GOLM1: variants seen among roughly 807,000 people sequenced by gnomAD.
GOLM1 encodes golgi membrane protein 1.
A neutral mutation model predicts 50.5 loss-of-function variants in GOLM1; 31 were observed. The observed-to-expected ratio is 0.61, with a 90% confidence interval of 0.46 to 0.83. The LOEUF (loss-of-function observed/expected upper bound fraction) is 0.83, where lower values mean the gene tolerates loss of function less well. GOLM1 is among the 40% of genes least tolerant of loss of function. The pLI, the probability that GOLM1 is intolerant of heterozygous loss-of-function variation, is 0.00. For missense variants in GOLM1, 491 were observed against 501.3 expected (o/e 0.98, Z 0.20); for synonymous variants, 178 against 192.8 (o/e 0.92, Z 0.64).
intron 5 of GOLM1, among the ~76,000 whole-genome samples, chr9:86,044,302 T>TG (rs1197442024): frequency 6.6e-6 from 1 of 152,276 alleles, no homozygotes; most frequent in Admixed American, 6.5e-5. Flanking sequence ...ATTGACTGGC[T>TG]GCTCATGTCC....
intron 3 of GOLM1, among the ~76,000 whole-genome samples, chr9:86,064,781 G>A (rs943964019): frequency 1.2e-4 from 19 of 152,208 alleles, no homozygotes; most frequent in African/African-American, 4.6e-4. Context: ...GGGGGACAGC[G>A]CTGCTGACTC....
At chr9:86,048,910 T>C (rs1031044028) in intron 4 of GOLM1, among the ~76,000 whole-genome samples, 2 of 152,238 alleles carry the variant, frequency 1.3e-5, no homozygotes, top group African/African-American at 4.8e-5. Flanking sequence ...TTGGCTTCTG[T>C]TGCCATTGCT....
chr9:86,082,720 G>C (rs762271206), intron 1 of GOLM1, among the ~76,000 whole-genome samples: 1 of 152,208 alleles, frequency 6.6e-6, no homozygotes, highest in Non-Finnish European at 1.5e-5. Flanking sequence ...GAGTACAGGC[G>C]TGAGCCATCA....
At chr9:86,088,186 G>A (rs1015066782) in intron 1 of GOLM1, among the ~76,000 whole-genome samples, 2 of 151,822 alleles carry the variant, frequency 1.3e-5, no homozygotes, top group East Asian at 1.9e-4. Context: ...ATGTGTCCAG[G>A]AATTTATCCA....
intron 4 of GOLM1, among the ~76,000 whole-genome samples, chr9:86,050,369 T>C (rs1833704524): frequency 6.6e-6 from 1 of 152,342 alleles, no homozygotes. Flanking sequence ...ATCAGGATGA[T>C]GCTGGCCTCA....
intron 3 of GOLM1, among the ~76,000 whole-genome samples, chr9:86,071,709 C>T (rs533675526): frequency 5.3e-5 from 8 of 151,744 alleles, no homozygotes; most frequent in East Asian, 1.9e-4. Flanking sequence ...AGTTTCATAA[C>T]GCAACAGTTA....
At position 86,027,317 on chromosome 9, in the gene GOLM1, T is replaced by TTGTC. The variant is rs1832816285; in HGVS notation, c.*496_*499dup. The stretch of plus-strand genomic sequence containing the variant: ...GTGCTCTAGGCCATTGATTGATTGA[T>TTGTC]TGTCAGAATCAGAAGTGACTACACA... On this transcript the variant is annotated 3_prime_UTR_variant, in exon 10 of 10. Transcript: ENST00000388712. The TTGTC allele has an allele frequency of 5.1e-6, 5 of 986,054 alleles. No homozygotes were observed. The highest frequency in any genetic ancestry group is 6.0e-6 in the Non-Finnish European group (5 of 830,398). 61.1% of individuals were successfully genotyped at this position (986,054 alleles called of 1,614,324 possible). A position where few individuals can be genotyped will look rare whatever the true frequency, so the allele number is the denominator to read the frequency against.
intron 9 of GOLM1, among the ~76,000 whole-genome samples, chr9:86,028,404 A>G (rs1180592671): frequency 1.3e-5 from 2 of 152,224 alleles, no homozygotes; most frequent in Non-Finnish European, 2.9e-5. Context: ...CCGGCTGCTG[A>G]GCAGCCAGAC....
At chr9:86,036,272 A>AG (rs1161025859) in intron 7 of GOLM1, 76 bp downstream of exon 7, 1 of 1,482,178 alleles carries the variant, frequency 6.7e-7, no homozygotes, top group African/African-American at 1.4e-5. Flanking sequence ...TGACTGCCTC[A>AG]GCAGCTCGCT....
At position 86,079,270 on chromosome 9, in the gene GOLM1, C is replaced by T; in HGVS notation, c.51G>A (p.Val17=). Residue 17 remains valine (V), a synonymous_variant, in exon 2 of 10, where the codon GTG becomes GTA. Coordinates refer to ENST00000388712, the MANE Select transcript of GOLM1 (RefSeq NM_016548.4). ...GRRSMKSPPL[V]LAALVACIIV... is the part of the protein sequence containing the mutation. ...TGATGCAGGCCACCAGGGCGGCCAG[C>T]ACGAGGGGCGGCGACTTCATGCTGC... is the stretch of plus-strand genomic sequence containing the variant. The T allele has an allele frequency of 6.2e-7, 1 of 1,610,128 alleles. No homozygotes were observed. Among genetic ancestry groups the T allele is most frequent in the Non-Finnish European group, 8.5e-7 (1 of 1,177,138 alleles).
At chr9:86,090,573 G>A (rs573803930) in intron 1 of GOLM1, among the ~76,000 whole-genome samples, 90 of 152,134 alleles carry the variant, frequency 5.9e-4, no homozygotes, top group African/African-American at 1.8e-3. Flanking sequence ...CAGCAATGGC[G>A]GATGCCCCTC....
At chr9:86,071,368 T>C (rs1444019282) in intron 3 of GOLM1, among the ~76,000 whole-genome samples, 2 of 151,652 alleles carry the variant, frequency 1.3e-5, no homozygotes, top group Non-Finnish European at 2.9e-5. Flanking sequence ...AAAGCACCTA[T>C]TTTTTTTAAT....
At chr9:86,041,826 ACTT>A (rs1833361864) in intron 5 of GOLM1, among the ~76,000 whole-genome samples, 1 of 152,170 alleles carries the variant, frequency 6.6e-6, no homozygotes, top group Non-Finnish European at 1.5e-5. Context: ...TAGTATCAAA[ACTT>A]GAACTGGGGC....
chr9:86,072,850 C>T (rs1348894019), intron 3 of GOLM1, among the ~76,000 whole-genome samples: 1 of 152,216 alleles, frequency 6.6e-6, no homozygotes, highest in African/African-American at 2.4e-5. Flanking sequence ...TCCCAGGCTA[C>T]AAACCTGTAC....
chr9:86,060,607 C>T (rs1024291197), intron 3 of GOLM1, among the ~76,000 whole-genome samples: 5 of 151,886 alleles, frequency 3.3e-5, no homozygotes, highest in African/African-American at 7.3e-5. Context: ...ACAGGCCGGG[C>T]GCAGCAGCTC....
At chr9:86,068,034 T>TAA (rs1053992571) in intron 3 of GOLM1, among the ~76,000 whole-genome samples, 1 of 149,870 alleles carries the variant, frequency 6.7e-6, no homozygotes, top group Admixed American at 6.7e-5. Flanking sequence ...TAAATAAATT[T>TAA]AAAAAAAAAG....
At chr9:86,097,662 G>C (rs1431923596) in intron 1 of GOLM1, among the ~76,000 whole-genome samples, 5 of 152,118 alleles carry the variant, frequency 3.3e-5, no homozygotes, top group African/African-American at 4.8e-5. Flanking sequence ...CAGCACACCT[G>C]CCTAAAGTGA....
At chr9:86,057,824 G>A (rs1475366003) in intron 3 of GOLM1, among the ~76,000 whole-genome samples, 2 of 152,220 alleles carry the variant, frequency 1.3e-5, no homozygotes, top group African/African-American at 4.8e-5. Context: ...GAGAGGGCCA[G>A]GGTGTCCACC....
At chr9:86,091,004 A>G (rs777547917) in intron 1 of GOLM1, among the ~76,000 whole-genome samples, 25 of 152,034 alleles carry the variant, frequency 1.6e-4, no homozygotes, top group Non-Finnish European at 2.9e-4. Context: ...TCCCTTGGCT[A>G]GGGGAGGAGT....
Sources: gnomAD v4.1 joint callset for allele counts (sites outside exome capture counted in the v4.1 genomes callset) on GRCh38, gnomAD v4.1.1 for gene constraint, MANE v1.5 for transcripts, NCBI Gene and HGNC (gene_info 2026-07-23, HGNC 2026-07-21) for gene names.